Variants in BDH1 observed in about 807,000 individuals in gnomAD.
BDH1 encodes 3-hydroxybutyrate dehydrogenase 1.
BDH1 carries 30 observed loss-of-function variants against 33.1 expected under a neutral mutation model. The observed-to-expected ratio is 0.91, with a 90% confidence interval of 0.68 to 1.23. The LOEUF (loss-of-function observed/expected upper bound fraction) is 1.23. Among genes scored for constraint, BDH1 ranks in the 50% most tolerant of loss-of-function variants. BDH1 has a pLI of 0.00. For synonymous variants in BDH1, 190 were observed against 183.6 expected, an observed-to-expected ratio of 1.03 and a Z score of -0.28; for missense variants, 443 against 464.4, an observed-to-expected ratio of 0.95 and a Z score of 0.42.
rs534377419 is a variant in BDH1, at chr3:197,570,311, C to T, written c.-44+2870G>A. Among the ~76,000 whole-genome samples the T allele has an allele frequency of 2.5e-4, 38 of 152,274 alleles. 1 individual carries two copies. Among genetic ancestry groups the T allele is most frequent in the Admixed American group, 5.2e-4 (8 of 15,302 alleles). On this transcript the variant is annotated intron_variant, in intron 1 of 6. Transcript: ENST00000358186. Reference sequence around the variant, plus strand: ...AAAGTTTGGAAAATTTGCAGCCTGACGCAATACAAAAGAAAAACGCATTTT... The same window carrying T: ...AAAGTTTGGAAAATTTGCAGCCTGATGCAATACAAAAGAAAAACGCATTTT...
At chr3:197,541,344 A>G (rs1239753818) in intron 3 of BDH1, among the ~76,000 whole-genome samples, 1 of 152,202 alleles carries the variant, frequency 6.6e-6, no homozygotes, top group Non-Finnish European at 1.5e-5. Flanking sequence ...AGTCCACAGC[A>G]GTTGTTCTCT....
chr3:197,570,523 G>A (rs1167744642), intron 1 of BDH1, among the ~76,000 whole-genome samples: 2 of 152,224 alleles, frequency 1.3e-5, no homozygotes, highest in Non-Finnish European at 2.9e-5. Context: ...CCCCTGCTGT[G>A]TGCATCTTAG....
Position 197,526,248 on chromosome 3 carries a change from C to A in BDH1, c.268-3467G>T, listed in dbSNP as rs1714085198. Among the ~76,000 whole-genome samples, 1 of 152,164 alleles carries A rather than the reference C, an allele frequency of 6.6e-6. No individual in the cohort carries two copies. The highest frequency in any genetic ancestry group is 2.1e-4 in the South Asian group (1 of 4,824). On this transcript the variant is annotated intron_variant, in intron 5 of 7. Transcript: ENST00000392379. This position sits in a 1 kb window ranked among gnomAD's most constrained non-coding sequence, Gnocchi z 4.7. ...AACTTGTATGCGAGGTAAAGCTTTCCCCTGCCCAGCCCTGAGGGCTGTGGG... is the reference window on the plus strand; with the variant it reads ...AACTTGTATGCGAGGTAAAGCTTTCACCTGCCCAGCCCTGAGGGCTGTGGG...
intron 7 of BDH1, among the ~76,000 whole-genome samples, chr3:197,513,142 TGATCCCCCTCCAAAGGCCACAG>T (rs1712261197): frequency 6.6e-6 from 1 of 152,190 alleles, no homozygotes; most frequent in South Asian, 2.1e-4. Flanking sequence ...GAGAGTGTGG[TGATCCCCCTCCAAAGGCCACAG>T]GCCCAGCCTG....
At chr3:197,515,846 A>G (rs753118141) in intron 6 of BDH1, 113 of 388,544 alleles carry the variant, frequency 2.9e-4, no homozygotes, top group Non-Finnish European at 3.7e-4. Context: ...AGAGGTTGCA[A>G]TGAGCCGGAT....
Position 197,510,599 on chromosome 3 carries a change from G to GGGTGTGTGTGT in BDH1, c.*1295_*1296insACACACACACC, listed in dbSNP as rs1553865645. ...CCACGCTGAAGCCCTGCAGAACAGG[G>GGGTGTGTGTGT]GTGTGTGTGTGTGTGTGTGTGTGTG... On this transcript the variant is annotated 3_prime_UTR_variant, in exon 8 of 8. Coordinates refer to ENST00000392379, the MANE Select transcript of BDH1 (RefSeq NM_203314.3). The GGGTGTGTGTGT allele has an allele frequency of 5.3e-5, 4 of 75,374 alleles. No individual in the cohort carries two copies. The highest frequency in any genetic ancestry group is 1.6e-3 in the East Asian group (2 of 1,272). The allele number at this position is 75,374 out of a possible 1,614,324, so 4.7% of individuals were successfully genotyped here.
At chr3:197,513,250 G>C (rs1380040939) in intron 7 of BDH1, among the ~76,000 whole-genome samples, 1 of 152,234 alleles carries the variant, frequency 6.6e-6, no homozygotes, top group Non-Finnish European at 1.5e-5. Context: ...ATTTGGCCCA[G>C]CCCGGGAAGC....
chr3:197,557,187 G>A (rs1049785431), upstream of BDH1, among the ~76,000 whole-genome samples: 5 of 152,174 alleles, frequency 3.3e-5, no homozygotes, highest in Admixed American at 2.6e-4. The surrounding 1 kb of genome is among the most constrained non-coding windows in gnomAD (Gnocchi z 4.6). Context: ...GATGTCTCAT[G>A]TCTCCCTAAA....
Position 197,512,243 on chromosome 3 carries a change from G to T in BDH1, c.684C>A (p.Pro228=). 1 of 1,613,620 alleles carries T rather than the reference G, an allele frequency of 6.2e-7. No individual in the cohort carries two copies. Among genetic ancestry groups the T allele is most frequent in the Non-Finnish European group, 8.5e-7 (1 of 1,180,034 alleles). ...FSDCLRYEMY[P]LGVKVSVVEP... is the part of the protein sequence containing the mutation. ...CCACCACGCTGACCTTCACGCCCAG[G>T]GGGTACATCTCATAGCGCAGGCAGT... The change falls in exon 8 of 8, where the codon CCC becomes CCA. Residue 228 remains proline (P), a synonymous_variant. Coordinates refer to ENST00000392379, the MANE Select transcript of BDH1 (RefSeq NM_203314.3).
At chr3:197,543,129 G>A (rs1715793006) in intron 3 of BDH1, 9 of 985,406 alleles carry the variant, frequency 9.1e-6, no homozygotes, top group Non-Finnish European at 1.1e-5. Flanking sequence ...CAGTAACCCA[G>A]CTTTCTGCTG....
chr3:197,538,437 C>T (rs553801389), intron 3 of BDH1: 24 of 451,622 alleles, frequency 5.3e-5, no homozygotes, highest in South Asian at 2.5e-4. Context: ...CTGCAACCTC[C>T]GCCTCCTGGG....
chr3:197,532,222 G>A (rs1053913983), intron 5 of BDH1, among the ~76,000 whole-genome samples, 190 bp downstream of exon 5: 3 of 152,212 alleles, frequency 2.0e-5, no homozygotes, highest in Admixed American at 1.3e-4. Context: ...TGAGAGGATG[G>A]ATGGATGGAT....
At chr3:197,513,813 T>C (rs2108700652) in intron 7 of BDH1, among the ~76,000 whole-genome samples, 1 of 152,366 alleles carries the variant, frequency 6.6e-6, no homozygotes, top group South Asian at 2.1e-4. Context: ...GGTGTTTTGT[T>C]GGTTTTCCAA....
intron 3 of BDH1, chr3:197,533,884 A>T: frequency 2.8e-6 from 1 of 352,388 alleles, no homozygotes; most frequent in Admixed American, 4.3e-5. Flanking sequence ...TCTGCTTTCC[A>T]AGATGACATG....
intron 1 of BDH1, among the ~76,000 whole-genome samples, chr3:197,564,010 G>C (rs1717349261): frequency 6.7e-6 from 1 of 148,748 alleles, no homozygotes; most frequent in Non-Finnish European, 1.5e-5. Flanking sequence ...GCTGAGGCAG[G>C]AGAATTGCTT....
chr3:197,554,674 C>G lies in BDH1; in HGVS notation c.-156G>C, dbSNP rs867945205. On this transcript the variant is annotated 5_prime_UTR_variant, in exon 2 of 8. Transcript: ENST00000392379. This position sits in a 1 kb window ranked among gnomAD's most constrained non-coding sequence, Gnocchi z 4.4. ...TCAAAGTAGGAACTGCAGGGTGACT[C>G]TGCATCAGCTGACTACAGGCAGATT... is the stretch of plus-strand genomic sequence containing the variant. The G allele has an allele frequency of 2.0e-5, 3 of 152,032 alleles. No individual in the cohort carries two copies. Among genetic ancestry groups the G allele is most frequent in the Middle Eastern group, 3.2e-3 (1 of 316 alleles). 9.4% of individuals were successfully genotyped at this position (152,032 alleles called of 1,614,324 possible).
At position 197,538,196 on chromosome 3, in the gene BDH1, C is replaced by T. The variant is rs552392427; in HGVS notation, c.84-4635G>A. 4.1e-5 allele frequency: 18 copies of T among 437,430 alleles called. No individual in the cohort carries two copies. The East Asian group carries it at 7.1e-4, about 17-fold the overall frequency. The allele number at this position is 437,430 out of a possible 1,614,324, so 27.1% of individuals were successfully genotyped here. On this transcript the variant is annotated intron_variant, in intron 3 of 7. Coordinates refer to ENST00000392379, the MANE Select transcript of BDH1 (RefSeq NM_203314.3). ...TACATCTACTCCATCTTCCCAGAAG[C>T]GGAGGTCCTGTTAGTTTTTAAAGGA... is the stretch of plus-strand genomic sequence containing the variant.
At chr3:197,529,138 G>A (rs1714410695) in intron 5 of BDH1, 1 of 152,216 alleles carries the variant, frequency 6.6e-6, no homozygotes, top group Non-Finnish European at 1.5e-5. Flanking sequence ...TGTCAGGAGA[G>A]CGACAGCCTT....
chr3:197,540,205 C>T (rs1181070470), intron 3 of BDH1, among the ~76,000 whole-genome samples: 2 of 151,960 alleles, frequency 1.3e-5, no homozygotes, highest in Non-Finnish European at 2.9e-5. Context: ...AGGCATGTTC[C>T]ACCACGCCCT....
Sources: allele counts gnomAD v4.1 joint callset (sites outside exome capture counted in the v4.1 genomes callset), GRCh38; gene constraint gnomAD v4.1.1; non-coding constraint Gnocchi (gnomAD v3.1); transcripts MANE v1.5; gene names NCBI Gene and HGNC (gene_info 2026-07-23, HGNC 2026-07-21).